The following ADAMTS6 variants were observed in gnomAD, a reference collection of about 807,000 sequenced individuals.
The protein encoded by ADAMTS6 is A disintegrin and metalloproteinase with thrombospondin motifs 6.
A neutral mutation model predicts 144.3 loss-of-function variants in ADAMTS6; 23 were observed. The observed-to-expected ratio is 0.16, with a 90% CI of 0.11 to 0.23. The LOEUF (loss-of-function observed/expected upper bound fraction) is 0.23. Among genes scored for constraint, ADAMTS6 ranks in the 10% least tolerant of loss-of-function variants. The pLI is 1.00. For synonymous variants in ADAMTS6, 444 were observed against 457.5 expected (o/e 0.97, Z 0.38); for missense variants, 999 against 1,379.6 (o/e 0.72, Z 4.37).
intron 7 of ADAMTS6, among the ~76,000 whole-genome samples, chr5:65,415,112 T>A (rs1755392203): frequency 6.6e-6 from 1 of 152,150 alleles, no homozygotes; most frequent in Non-Finnish European, 1.5e-5. Context: ...CAAATTTATT[T>A]AAAAAACTAT....
intron 7 of ADAMTS6, among the ~76,000 whole-genome samples, chr5:65,384,338 A>G (rs892660022): frequency 6.6e-6 from 1 of 152,152 alleles, no homozygotes; most frequent in African/African-American, 2.4e-5. Context: ...TAAGGAGTCA[A>G]GAGAAACCAT....
chr5:65,210,191 G>C (rs1432377816), intron 20 of ADAMTS6: 2 of 192,520 alleles, frequency 1.0e-5, no homozygotes, highest in Non-Finnish European at 2.2e-5. Flanking sequence ...GGTGGCTCAC[G>C]CCTGTAATCC....
chr5:65,218,005 C>G (rs1757055220), intron 18 of ADAMTS6, among the ~76,000 whole-genome samples: 1 of 152,042 alleles, frequency 6.6e-6, no homozygotes, highest in Admixed American at 6.6e-5. Context: ...GTGGAGAACC[C>G]AAGCAGAACA....
chr5:65,371,953 G>A (rs546325776), intron 7 of ADAMTS6, among the ~76,000 whole-genome samples: 1 of 152,104 alleles, frequency 6.6e-6, no homozygotes, highest in African/African-American at 2.4e-5. Flanking sequence ...CCAGAAGAGA[G>A]TGGGCGCCAA....
chr5:65,175,059 C>A (rs1338878034), intron 22 of ADAMTS6, among the ~76,000 whole-genome samples: 2 of 152,104 alleles, frequency 1.3e-5, no homozygotes, highest in Non-Finnish European at 2.9e-5. Flanking sequence ...AGCCAGGGCA[C>A]CCAGATGAGT....
chr5:65,355,690 T>C (rs1174544902), intron 7 of ADAMTS6, among the ~76,000 whole-genome samples: 3 of 151,822 alleles, frequency 2.0e-5, no homozygotes. Flanking sequence ...ACAAAGGAAC[T>C]AAAGCATCTT....
chr5:65,217,059 C>T (rs115396966), intron 18 of ADAMTS6, among the ~76,000 whole-genome samples: 105 of 152,216 alleles, frequency 6.9e-4, no homozygotes, highest in African/African-American at 2.4e-3. Flanking sequence ...TGTCATCTCC[C>T]GACCCCCATT....
chr5:65,155,242 A>G (rs1752344031), intron 24 of ADAMTS6, among the ~76,000 whole-genome samples: 1 of 152,152 alleles, frequency 6.6e-6, no homozygotes, highest in South Asian at 2.1e-4. Context: ...TATTATATAT[A>G]TATGTTAATC....
At chr5:65,390,412 T>C (rs971502709) in intron 7 of ADAMTS6, among the ~76,000 whole-genome samples, 1 of 152,014 alleles carries the variant, frequency 6.6e-6, no homozygotes, top group African/African-American at 2.4e-5. Context: ...CTAGAGTAGA[T>C]TAGAGGATTA....
At chr5:65,163,999 T>A (rs1194443105) in intron 24 of ADAMTS6, among the ~76,000 whole-genome samples, 2 of 152,046 alleles carry the variant, frequency 1.3e-5, no homozygotes, top group Admixed American at 6.5e-5. Context: ...GATTTCCCAA[T>A]GAATAAAAAA....
At chr5:65,293,929 G>A (rs941701702) in intron 10 of ADAMTS6, among the ~76,000 whole-genome samples, 1 of 152,080 alleles carries the variant, frequency 6.6e-6, no homozygotes, top group Admixed American at 6.5e-5. Context: ...AAAATATAAA[G>A]GAAAACCATA....
At chr5:65,457,286 G>A (rs1413825140) in intron 4 of ADAMTS6, among the ~76,000 whole-genome samples, 2 of 152,170 alleles carry the variant, frequency 1.3e-5, no homozygotes, top group African/African-American at 4.8e-5. Flanking sequence ...CAGTATAGTG[G>A]TCTCGGCAAG....
intron 11 of ADAMTS6, among the ~76,000 whole-genome samples, chr5:65,279,580 G>C (rs921168290): frequency 6.6e-6 from 1 of 152,142 alleles, no homozygotes; most frequent in Non-Finnish European, 1.5e-5. Context: ...GCCTCCCAAA[G>C]TGCTGGGATT....
At chr5:65,182,366 C>T (rs1754413558) in intron 22 of ADAMTS6, among the ~76,000 whole-genome samples, 1 of 150,834 alleles carries the variant, frequency 6.6e-6, no homozygotes, top group African/African-American at 2.4e-5. Flanking sequence ...ATTGCTTGAA[C>T]CCAGGAGGCA....
intron 6 of ADAMTS6, 80 bp downstream of exon 6, chr5:65,452,053 T>C (rs1351008880): frequency 4.5e-6 from 5 of 1,105,604 alleles, no homozygotes; most frequent in Non-Finnish European, 6.3e-6. Flanking sequence ...TAATAAAACA[T>C]ATTATTTAAT....
intron 2 of ADAMTS6, among the ~76,000 whole-genome samples, 166 bp downstream of exon 2, chr5:65,473,411 A>G (rs986164508): frequency 6.6e-6 from 1 of 152,150 alleles, no homozygotes; most frequent in African/African-American, 2.4e-5. Context: ...TAAACGACGC[A>G]TAGCCCTTAA....
intron 11 of ADAMTS6, among the ~76,000 whole-genome samples, chr5:65,279,094 C>A (rs1403533713): frequency 2.6e-5 from 4 of 152,046 alleles, no homozygotes; most frequent in Non-Finnish European, 4.4e-5. Flanking sequence ...CAAGCACATG[C>A]CACCACGCTC....
At chr5:65,275,792 G>A (rs186969989) in intron 11 of ADAMTS6, among the ~76,000 whole-genome samples, 2 of 151,930 alleles carry the variant, frequency 1.3e-5, no homozygotes, top group East Asian at 3.9e-4. Context: ...ACATTTAAGG[G>A]CTTTGAAATA....
chr5:65,356,904 T>C (rs1261019036), intron 7 of ADAMTS6, among the ~76,000 whole-genome samples: 1 of 151,896 alleles, frequency 6.6e-6, no homozygotes, highest in Non-Finnish European at 1.5e-5. Flanking sequence ...TTCTGTTTTA[T>C]TTAGCTTCTT....
Sources: allele counts gnomAD v4.1 joint callset (sites outside exome capture counted in the v4.1 genomes callset), GRCh38; gene constraint gnomAD v4.1.1; transcripts MANE v1.5; gene names NCBI Gene and HGNC (gene_info 2026-07-23, HGNC 2026-07-21).